FAM120C: variants seen among roughly 807,000 people sequenced by gnomAD.
The protein encoded by FAM120C is constitutive coactivator of PPAR-gamma-like protein 2.
In FAM120C, 14 loss-of-function variants were observed where a neutral mutation model predicts 71.2. That is an observed-to-expected ratio of 0.20 (90% CI 0.13 to 0.31). FAM120C has a LOEUF of 0.31. Among genes scored for constraint, FAM120C ranks in the 10% least tolerant of loss-of-function variants. The pLI, the probability that FAM120C is intolerant of heterozygous loss-of-function variation, is 1.00. For synonymous variants in FAM120C, 354 were observed against 353.2 expected, an observed-to-expected ratio of 1.00 and a Z score of -0.03; for missense variants, 500 against 879.0, an observed-to-expected ratio of 0.57 and a Z score of 5.45.
chrX:54,140,059 C>T (rs1453468328), intron 4 of FAM120C, among the ~76,000 whole-genome samples: 4 of 110,032 alleles, frequency 3.6e-5, no homozygotes, highest in African/African-American at 6.6e-5. Flanking sequence ...TCTGGGAGGC[C>T]GAGGCGGGCG....
In FAM120C at chrX:54,072,268, T is replaced by C. The variant is rs2066714418; in HGVS notation, c.*765A>G. 3 of 105,172 alleles carry C rather than the reference T, an allele frequency of 2.9e-5. No individual in the cohort carries two copies. In the South Asian group the frequency reaches 1.4e-3, roughly 48 times the overall value. The allele number at this position is 105,172 out of a possible 1,213,427, so 8.7% of individuals were successfully genotyped here. A position where few individuals can be genotyped will look rare whatever the true frequency, so the allele number is the denominator to read the frequency against. ...TCCCACCCTTTCATGGTGTGGGCAA[T>C]AGGGAGTGAATGAACTGTGCCACAT... On this transcript the variant is annotated 3_prime_UTR_variant, in exon 16 of 16. Transcript: ENST00000375180.
intron 1 of FAM120C, chrX:54,174,085 G>A (rs1557136336): frequency 2.0e-6 from 1 of 512,434 alleles, no homozygotes. Flanking sequence ...TTGGTTGGAG[G>A]CTTCCCTCAG....
chrX:54,097,557 T>C (rs1163877200), intron 10 of FAM120C, among the ~76,000 whole-genome samples: 1 of 112,067 alleles, frequency 8.9e-6, no homozygotes, highest in African/African-American at 3.2e-5. Flanking sequence ...TATTCTGATA[T>C]CTAAGTCTTT....
intron 3 of FAM120C, among the ~76,000 whole-genome samples, chrX:54,153,620 T>G (rs1266068523): frequency 2.8e-5 from 3 of 105,684 alleles, no homozygotes; most frequent in Admixed American, 1.0e-4. Flanking sequence ...CAGGCTGGAG[T>G]GCAGTGGCAT....
intron 13 of FAM120C, among the ~76,000 whole-genome samples, chrX:54,084,161 T>C (rs1400161907): frequency 4.5e-5 from 5 of 111,896 alleles, no homozygotes; most frequent in African/African-American, 1.6e-4. Flanking sequence ...AGTGGTGACC[T>C]TCCAAGAACC....
intron 2 of FAM120C, 43 bp from the exon 3 acceptor site, chrX:54,157,814 C>T (rs1266391430): frequency 1.0e-6 from 1 of 962,491 alleles, no homozygotes; most frequent in African/African-American, 1.9e-5. Flanking sequence ...CAAATGTTTT[C>T]TTAGAACCTC....
chrX:54,108,026 A>G (rs782667661), intron 10 of FAM120C, among the ~76,000 whole-genome samples: 18 of 104,300 alleles, frequency 1.7e-4, no homozygotes, highest in African/African-American at 6.3e-4. Context: ...ATCCAAGCTG[A>G]AAAATGCCAG....
At chrX:54,116,025 G>A (rs1557126570) in intron 10 of FAM120C, among the ~76,000 whole-genome samples, 1 of 111,187 alleles carries the variant, frequency 9.0e-6, no homozygotes. Flanking sequence ...AGGTTGCAGT[G>A]AACCAAGATT....
At chrX:54,155,796 T>C (rs1380846877) in intron 3 of FAM120C, among the ~76,000 whole-genome samples, 2 of 111,267 alleles carry the variant, frequency 1.8e-5, no homozygotes, top group Non-Finnish European at 3.8e-5. Flanking sequence ...TGCTCTTAAG[T>C]TGGCCAAAGG....
intron 9 of FAM120C, among the ~76,000 whole-genome samples, chrX:54,131,686 C>G (rs782131733): frequency 5.4e-5 from 6 of 111,717 alleles, no homozygotes; most frequent in Non-Finnish European, 9.4e-5. Flanking sequence ...GATCCGCCCG[C>G]CTTGGCCTCC....
intron 15 of FAM120C, among the ~76,000 whole-genome samples, 183 bp from the exon 16 acceptor site, chrX:54,073,470 G>T (rs1466710030): frequency 9.3e-6 from 1 of 107,374 alleles, no homozygotes; most frequent in Admixed American, 1.0e-4. Flanking sequence ...TCGCTCTGTC[G>T]CCCAGGCTGG....
intron 1 of FAM120C, among the ~76,000 whole-genome samples, chrX:54,173,078 TTATAAAAC>T (rs1343467794): frequency 8.9e-6 from 1 of 112,568 alleles, no homozygotes; most frequent in Non-Finnish European, 1.9e-5. Flanking sequence ...ACAAACACTT[TTATAAAAC>T]TACTGCTTAA....
At chrX:54,110,787 C>G (rs782120701) in intron 10 of FAM120C, among the ~76,000 whole-genome samples, 1 of 110,100 alleles carries the variant, frequency 9.1e-6, no homozygotes, top group African/African-American at 3.3e-5. Context: ...TGGCCGGGTG[C>G]AGTGGCTCAT....
chrX:54,118,757 A>G (rs1603356261), intron 9 of FAM120C, among the ~76,000 whole-genome samples: 1 of 47,134 alleles, frequency 2.1e-5, no homozygotes, highest in Non-Finnish European at 3.5e-5. Flanking sequence ...GTACATGTGC[A>G]TATTGTGCAG....
At chrX:54,180,043 T>A (rs1167545909) in intron 1 of FAM120C, among the ~76,000 whole-genome samples, 1 of 112,447 alleles carries the variant, frequency 8.9e-6, no homozygotes, top group Non-Finnish European at 1.9e-5. Context: ...TCAATCCATC[T>A]TTTTTATTAA....
intron 10 of FAM120C, among the ~76,000 whole-genome samples, chrX:54,099,781 A>T (rs2066873246): frequency 8.9e-6 from 1 of 112,579 alleles, no homozygotes; most frequent in African/African-American, 3.2e-5. Context: ...GACCACAAAT[A>T]GCAGAGTTTA....
At chrX:54,100,441 C>T (rs1035724240) in intron 10 of FAM120C, among the ~76,000 whole-genome samples, 9 of 111,050 alleles carry the variant, frequency 8.1e-5, no homozygotes, top group African/African-American at 2.3e-4. Flanking sequence ...TGCAGTGAGC[C>T]GGGATTGTGC....
intron 1 of FAM120C, chrX:54,174,284 C>A (rs1278147373): frequency 4.3e-6 from 2 of 460,623 alleles, no homozygotes; most frequent in African/African-American, 4.7e-5. Context: ...TCATCAGAAG[C>A]AAGTCACTAG....
chrX:54,167,120 A>G (rs1305439471), intron 1 of FAM120C, among the ~76,000 whole-genome samples: 2 of 112,152 alleles, frequency 1.8e-5, no homozygotes, highest in African/African-American at 6.5e-5. Context: ...AGAACCCCAG[A>G]TGATTTCGTG....
Sources: gnomAD v4.1 joint callset for allele counts (sites outside exome capture counted in the v4.1 genomes callset) on GRCh38, gnomAD v4.1.1 for gene constraint, MANE v1.5 for transcripts, NCBI Gene and HGNC (gene_info 2026-07-23, HGNC 2026-07-21) for gene names.